CEP120: variants seen among roughly 807,000 people sequenced by gnomAD.
CEP120 encodes the protein centrosomal protein 120.
A neutral mutation model predicts 126.5 loss-of-function variants in CEP120; 113 were observed. The observed-to-expected ratio is 0.89, with a 90% CI of 0.77 to 1.04. The LOEUF (loss-of-function observed/expected upper bound fraction) is 1.04. CEP120 is among the 50% of genes least tolerant of loss of function. CEP120 has a pLI of 0.00. For missense variants in CEP120, 1,230 were observed against 1,155.7 expected (o/e 1.06, Z -0.93); for synonymous variants, 400 against 394.3 (o/e 1.01, Z -0.17).
intron 18 of CEP120, among the ~76,000 whole-genome samples, chr5:123,363,904 A>G (rs1467671685): frequency 6.6e-6 from 1 of 151,578 alleles, no homozygotes; most frequent in Non-Finnish European, 1.5e-5. Context: ...TAAAAATCTT[A>G]TTCATAATTT....
intron 14 of CEP120, 136 bp downstream of exon 14, chr5:123,381,975 C>G: frequency 1.7e-6 from 1 of 587,366 alleles, no homozygotes; most frequent in Non-Finnish European, 2.9e-6. Flanking sequence ...CTATCCAGAG[C>G]CACCACTCAC....
At chr5:123,355,891 T>TTCTA (rs1488924014) in intron 18 of CEP120, among the ~76,000 whole-genome samples, 1 of 148,478 alleles carries the variant, frequency 6.7e-6, no homozygotes, top group Admixed American at 6.7e-5. Flanking sequence ...GGTTTTCTTC[T>TTCTA]GGGGTTTTTA....
At chr5:123,359,692 ATATTT>A (rs1422614967) in intron 18 of CEP120, among the ~76,000 whole-genome samples, 2 of 151,970 alleles carry the variant, frequency 1.3e-5, no homozygotes, top group Non-Finnish European at 2.9e-5. Context: ...ATGCTTATTT[ATATTT>A]TACAGCTGTT....
chr5:123,416,027 C>T lies in CEP120; in HGVS notation c.304G>A (p.Ala102Thr), dbSNP rs370142490. 153 of 1,611,786 alleles carry T rather than the reference C, an allele frequency of 9.5e-5. No homozygotes were observed. Among genetic ancestry groups the T allele is most frequent in the South Asian group, 4.1e-4 (37 of 90,922 alleles). ...IGYIVLDLRT[A>T]QETKQAPKWY... is the part of the protein sequence containing the mutation. ...GGCAATACCTGCTTTGTTTCTTGAG[C>T]GGTTCTTAAATCCAGAACGATGTAA... is the stretch of plus-strand genomic sequence containing the variant. Residue 102 changes from alanine (A) to threonine (T), a missense_variant, in exon 3 of 20, where the codon GCT becomes ACT. Physicochemically the swap from Ala to Thr is moderately conservative, Grantham distance 58. Transcript: ENST00000306467.
At chr5:123,377,347 A>T (rs1323540393) in intron 16 of CEP120, 27 bp downstream of exon 16, 10 of 1,594,156 alleles carry the variant, frequency 6.3e-6, no homozygotes, top group Non-Finnish European at 8.5e-6. Flanking sequence ...AACTAAGCAT[A>T]AAAAGATGAC....
At position 123,346,532 on chromosome 5, in the gene CEP120, T is replaced by C. The variant is rs755457555; in HGVS notation, c.2948A>G (p.Asn983Ser). The C allele has an allele frequency of 4.3e-6, 7 of 1,610,758 alleles. No individual in the cohort carries two copies. Among genetic ancestry groups the C allele is most frequent in the South Asian group, 1.1e-5 (1 of 90,296 alleles). ...TTCCAAATGTTATTAATTACTGGCA[T>C]TGCTTTTTGCCAAAATCTCTCTGAT... ...RQIREILAKS[N>S]ASN The change falls in exon 20 of 20, where the codon AAT becomes AGT. Residue 983 changes from asparagine (N) to serine (S), a missense_variant. Asn to Ser is a conservative substitution (Grantham distance 46, BLOSUM62 1). Transcript: ENST00000306467.
At position 123,391,228 on chromosome 5, in the gene CEP120, C is replaced by G; in HGVS notation, c.920G>C (p.Gly307Ala). ...GTTTGGAGGGTCAAGGGTAAAAGCA[C>G]CTTCGACTGTGACTGGGTGCTGGTT... ...EINQHPVTVEGAFTLDPPNRA... is the reference protein window; with the variant it reads ...EINQHPVTVEAAFTLDPPNRA... Residue 307 changes from glycine (G) to alanine (A), a missense_variant, in exon 7 of 20, where the codon GGT (glycine) becomes GCT (alanine). Coordinates refer to ENST00000306467, the MANE Select transcript of CEP120 (RefSeq NM_001375405.1). 6.2e-7 allele frequency: 1 copy of G among 1,614,118 alleles called. No individual in the cohort carries two copies. Among genetic ancestry groups the G allele is most frequent in the Non-Finnish European group, 8.5e-7 (1 of 1,180,030 alleles).
At chr5:123,413,279 A>AAAT (rs774615548) in intron 3 of CEP120, among the ~76,000 whole-genome samples, 7 of 151,792 alleles carry the variant, frequency 4.6e-5, no homozygotes, top group Admixed American at 1.3e-4. Flanking sequence ...TCGCAAAAAA[A>AAAT]AATAATAATA....
At chr5:123,405,784 G>A (rs945021814) in intron 4 of CEP120, among the ~76,000 whole-genome samples, 6 of 150,614 alleles carry the variant, frequency 4.0e-5, no homozygotes, top group East Asian at 2.0e-4. Context: ...CATCATGTCC[G>A]GCTTACAACA....
chr5:123,358,401 A>G lies in CEP120; in HGVS notation c.2580+6095T>C, dbSNP rs557960019. Reference sequence around the variant, plus strand: ...TATTTCATTTTAAAGTTATTTAAAAAGAAAAACATATCTGGACAAAAATAC... The same window carrying G: ...TATTTCATTTTAAAGTTATTTAAAAGGAAAAACATATCTGGACAAAAATAC... On this transcript the variant is annotated intron_variant, in intron 18 of 19. Coordinates refer to ENST00000306467, the MANE Select transcript of CEP120 (RefSeq NM_001375405.1). 2.0e-5 allele frequency: 3 copies of G among 152,218 alleles called. No homozygotes were observed. The East Asian group carries it at 5.8e-4, about 29-fold the overall frequency. The allele number at this position is 152,218 out of a possible 1,614,324, so 9.4% of individuals were successfully genotyped here. A position where few individuals can be genotyped will look rare whatever the true frequency, so the allele number is the denominator to read the frequency against.
chr5:123,397,292 C>A (rs961540076), intron 5 of CEP120, among the ~76,000 whole-genome samples: 3 of 152,090 alleles, frequency 2.0e-5, no homozygotes, highest in Admixed American at 2.0e-4. Flanking sequence ...CCATTGCACT[C>A]CAGCCTGGGT....
At chr5:123,406,236 G>A (rs1262521308) in intron 4 of CEP120, among the ~76,000 whole-genome samples, 3 of 151,462 alleles carry the variant, frequency 2.0e-5, no homozygotes, top group Non-Finnish European at 4.4e-5. Context: ...AACTAAAAAC[G>A]GTGTAATAAA....
At chr5:123,387,634 C>G (rs1055334657) in intron 9 of CEP120, among the ~76,000 whole-genome samples, 2 of 152,026 alleles carry the variant, frequency 1.3e-5, no homozygotes, top group Admixed American at 1.3e-4. Flanking sequence ...TAGTCCGTAT[C>G]AAATGAATTC....
Position 123,382,604 on chromosome 5 carries a change from G to A in CEP120, c.2013+133C>T, listed in dbSNP as rs1475164354. The A allele has an allele frequency of 1.0e-5, 8 of 786,202 alleles. No individual in the cohort carries two copies. The African/African-American group carries it at 1.4e-4, about 14-fold the overall frequency. The allele number at this position is 786,202 out of a possible 1,614,324, so 48.7% of individuals were successfully genotyped here. On this transcript the variant is annotated intron_variant, in intron 13 of 19. Coordinates refer to ENST00000306467, the MANE Select transcript of CEP120 (RefSeq NM_001375405.1). The stretch of plus-strand genomic sequence containing the variant: ...TTTTTTGATTCTCAAATTTTTTTAA[G>A]TAAAGCATTGTTGACATTCAAAGAA...
At chr5:123,375,117 T>C (rs1329062264) in intron 16 of CEP120, among the ~76,000 whole-genome samples, 1 of 152,084 alleles carries the variant, frequency 6.6e-6, no homozygotes, top group Non-Finnish European at 1.5e-5. Context: ...AAACGTGAAA[T>C]GTATACAGTC....
chr5:123,389,647 T>C (rs1199164261), intron 8 of CEP120, among the ~76,000 whole-genome samples: 2 of 152,186 alleles, frequency 1.3e-5, no homozygotes, highest in African/African-American at 4.8e-5. Context: ...ATTACAGGCA[T>C]GCACCACCAC....
chr5:123,368,129 T>TAA (rs1350119819), intron 17 of CEP120, among the ~76,000 whole-genome samples: 28 of 151,994 alleles, frequency 1.8e-4, no homozygotes, highest in Non-Finnish European at 3.7e-4. Flanking sequence ...GTTTAATGAT[T>TAA]TCTATCCTTC....
Position 123,372,655 on chromosome 5 carries a change from C to T in CEP120, c.2476G>A (p.Glu826Lys). Reference sequence around the variant, plus strand: ...CACAAAATTAACATGTGTACCTTTTCCAAGGTGAGAAGATTTATTTCAGAC... The same window carrying T: ...CACAAAATTAACATGTGTACCTTTTTCAAGGTGAGAAGATTTATTTCAGAC... The part of the protein sequence containing the change: ...LQSEINLLTL[E>K]KVELERKLES... The change falls in exon 17 of 20, where the codon GAA becomes AAA. Residue 826 changes from glutamate (E) to lysine (K), a missense_variant. Glu to Lys is a moderately conservative substitution (Grantham distance 56). Transcript: ENST00000306467. 1 of 1,611,892 alleles carries T rather than the reference C, an allele frequency of 6.2e-7. No individual in the cohort carries two copies. Among genetic ancestry groups the T allele is most frequent in the Non-Finnish European group, 8.5e-7 (1 of 1,178,794 alleles).
intron 4 of CEP120, among the ~76,000 whole-genome samples, 180 bp downstream of exon 4, chr5:123,412,219 T>C (rs962387968): frequency 6.6e-6 from 1 of 152,226 alleles, no homozygotes; most frequent in African/African-American, 2.4e-5. Context: ...ATTTTCCTAT[T>C]TCTAAGATTT....
Sources: allele counts gnomAD v4.1 joint callset (sites outside exome capture counted in the v4.1 genomes callset), GRCh38; gene constraint gnomAD v4.1.1; transcripts MANE v1.5; gene names NCBI Gene and HGNC (gene_info 2026-07-23, HGNC 2026-07-21).